The following CCBE1 variants were observed in gnomAD, a reference collection of about 807,000 sequenced individuals.
CCBE1 encodes collagen and calcium binding EGF domains 1.
A neutral mutation model predicts 50.0 loss-of-function variants in CCBE1; 37 were observed. That is an observed-to-expected ratio of 0.74 (90% CI 0.57 to 0.97). The LOEUF (loss-of-function observed/expected upper bound fraction) is 0.97, where lower values mean the gene tolerates loss of function less well. Among genes scored for constraint, CCBE1 ranks in the 50% least tolerant of loss-of-function variants. The probability of loss-of-function intolerance (pLI) is 0.00; values close to 1 mark genes in which losing one functional copy is unlikely to be tolerated. For synonymous variants in CCBE1, 234 were observed against 203.7 expected (o/e 1.15, Z -1.27); for missense variants, 538 against 523.8 (o/e 1.03, Z -0.26).
At chr18:59,492,844 TAAC>T (rs911093657) in intron 2 of CCBE1, among the ~76,000 whole-genome samples, 1 of 152,178 alleles carries the variant, frequency 6.6e-6, no homozygotes, top group African/African-American at 2.4e-5. Context: ...TTTGCCCCAG[TAAC>T]AACTGTGCAT....
chr18:59,455,288 C>T (rs1046337664), intron 5 of CCBE1: 1 of 401,478 alleles, frequency 2.5e-6, no homozygotes, highest in Non-Finnish European at 4.8e-6. Context: ...ATAAATCTGA[C>T]ATGATTTATA....
At chr18:59,623,544 G>T (rs763549751) in intron 2 of CCBE1, among the ~76,000 whole-genome samples, 1 of 152,074 alleles carries the variant, frequency 6.6e-6, no homozygotes, top group Non-Finnish European at 1.5e-5. Flanking sequence ...TGCCTTCCTG[G>T]GTTCTCTGAA....
intron 2 of CCBE1, among the ~76,000 whole-genome samples, chr18:59,652,708 T>C (rs1182678541): frequency 3.9e-5 from 6 of 152,224 alleles, no homozygotes; most frequent in African/African-American, 9.6e-5. Flanking sequence ...CTCCCGCCTG[T>C]AATCCCAGCA....
chr18:59,554,820 C>T lies in CCBE1; in HGVS notation c.213-74582G>A, dbSNP rs185350884. Among the ~76,000 whole-genome samples, 1,018 of 152,240 alleles carry T rather than the reference C, an allele frequency of 6.7e-3. 8 individuals are homozygous for T. The highest frequency in any genetic ancestry group is 0.023 in the African/African-American group (954 of 41,512). On this transcript the variant is annotated intron_variant, in intron 2 of 10. Coordinates refer to ENST00000439986, the MANE Select transcript of CCBE1 (RefSeq NM_133459.4). ...GCCAGACAGGACAACCCCGTGGAGACAAAAGAAGGGGTAGGTTCCAGAGTG... is the reference window on the plus strand; with the variant it reads ...GCCAGACAGGACAACCCCGTGGAGATAAAAGAAGGGGTAGGTTCCAGAGTG...
In CCBE1 at chr18:59,496,215, G is replaced by A. The variant is rs77907524; in HGVS notation, c.213-15977C>T. On this transcript the variant is annotated intron_variant, in intron 2 of 10. Coordinates refer to ENST00000439986, the MANE Select transcript of CCBE1 (RefSeq NM_133459.4). Reference sequence around the variant, plus strand: ...ACGGGTTACAGGAGGCTATACAGATGTCTACCATTGTACATCCACACTGTG... The same window carrying A: ...ACGGGTTACAGGAGGCTATACAGATATCTACCATTGTACATCCACACTGTG... 8.3e-3 allele frequency among the ~76,000 whole-genome samples: 1,261 copies of A among 152,266 alleles called. 11 individuals are homozygous for A. Among genetic ancestry groups the A allele is most frequent in the African/African-American group, 0.028 (1,180 of 41,534 alleles).
intron 2 of CCBE1, among the ~76,000 whole-genome samples, chr18:59,615,698 G>T (rs941409392): frequency 2.6e-5 from 4 of 152,122 alleles, no homozygotes; most frequent in Non-Finnish European, 5.9e-5. Context: ...GTTCCATAAG[G>T]TATGAGGTTA....
intron 2 of CCBE1, among the ~76,000 whole-genome samples, chr18:59,561,164 TG>T (rs2052731276): frequency 6.6e-6 from 1 of 152,244 alleles, no homozygotes; most frequent in African/African-American, 2.4e-5. Context: ...GTAACTCCTA[TG>T]GTAATCTGCG....
intron 2 of CCBE1, among the ~76,000 whole-genome samples, chr18:59,523,235 G>A (rs1914682609): frequency 6.6e-6 from 1 of 151,456 alleles, no homozygotes; most frequent in African/African-American, 2.4e-5. Context: ...CTTGGTGCAG[G>A]TACAGAGGTG....
chr18:59,445,949 T>C (rs537432433), intron 7 of CCBE1, among the ~76,000 whole-genome samples: 25 of 152,334 alleles, frequency 1.6e-4, no homozygotes, highest in African/African-American at 6.0e-4. Context: ...CAGAGTAGTT[T>C]CCTGTATTGG....
chr18:59,696,592 C>T (rs1191454102), intron 2 of CCBE1, 37 bp downstream of exon 2: 3 of 1,612,132 alleles, frequency 1.9e-6, no homozygotes, highest in South Asian at 1.1e-5. Context: ...AGCCCCGGTG[C>T]GCAGTGGCGA....
intron 2 of CCBE1, among the ~76,000 whole-genome samples, chr18:59,583,868 G>C (rs1305838782): frequency 1.3e-5 from 2 of 152,090 alleles, no homozygotes; most frequent in African/African-American, 4.8e-5. Context: ...GTAATCCTCT[G>C]TGGAGAAACA....
chr18:59,479,343 T>C (rs1303835365), intron 3 of CCBE1, among the ~76,000 whole-genome samples: 1 of 152,170 alleles, frequency 6.6e-6, no homozygotes, highest in Non-Finnish European at 1.5e-5. Flanking sequence ...TCTCCCCTCA[T>C]TTCTGAGACC....
At chr18:59,495,102 A>G (rs1023173632) in intron 2 of CCBE1, among the ~76,000 whole-genome samples, 1 of 152,182 alleles carries the variant, frequency 6.6e-6, no homozygotes, top group Non-Finnish European at 1.5e-5. Flanking sequence ...AGATCACACC[A>G]CTGCACTCCA....
intron 2 of CCBE1, among the ~76,000 whole-genome samples, chr18:59,523,897 T>C (rs1371599603): frequency 6.6e-6 from 1 of 152,226 alleles, no homozygotes; most frequent in African/African-American, 2.4e-5. Flanking sequence ...AGCCCTAAGA[T>C]ATTTGTACTT....
chr18:59,526,191 T>C (rs1472190424), intron 2 of CCBE1, among the ~76,000 whole-genome samples: 1 of 152,164 alleles, frequency 6.6e-6, no homozygotes, highest in Non-Finnish European at 1.5e-5. Flanking sequence ...TTTTCGTGTA[T>C]CTATCTCCTT....
At chr18:59,663,997 C>A (rs539214139) in intron 2 of CCBE1, among the ~76,000 whole-genome samples, 4 of 152,258 alleles carry the variant, frequency 2.6e-5, no homozygotes, top group Admixed American at 6.5e-5. Context: ...GCTGCACTAA[C>A]AACATACCAT....
chr18:59,442,348 A>G (rs1199287157), intron 7 of CCBE1, among the ~76,000 whole-genome samples: 1 of 152,214 alleles, frequency 6.6e-6, no homozygotes, highest in Non-Finnish European at 1.5e-5. Flanking sequence ...TCTATAGTAT[A>G]ATGTGTGTGT....
At chr18:59,541,259 T>A in intron 2 of CCBE1, among the ~76,000 whole-genome samples, 1 of 152,226 alleles carries the variant, frequency 6.6e-6, no homozygotes, top group East Asian at 1.9e-4. Context: ...TTCAGTACTC[T>A]AAGTCAGAGA....
At chr18:59,641,271 A>G (rs538922627) in intron 2 of CCBE1, among the ~76,000 whole-genome samples, 1 of 152,268 alleles carries the variant, frequency 6.6e-6, no homozygotes, top group South Asian at 2.1e-4. Context: ...AGAATACTAC[A>G]TAGCTATAAA....
Sources: gnomAD v4.1 joint callset for allele counts (sites outside exome capture counted in the v4.1 genomes callset) on GRCh38, gnomAD v4.1.1 for gene constraint, MANE v1.5 for transcripts, NCBI Gene and HGNC (gene_info 2026-07-23, HGNC 2026-07-21) for gene names.